DEK: variants seen among roughly 807,000 people sequenced by gnomAD.
DEK encodes the protein protein DEK.
Under a neutral mutation model 46.8 loss-of-function variants are expected in DEK, and 28 were observed. That is an observed-to-expected ratio of 0.60 (90% CI 0.44 to 0.82). The LOEUF (loss-of-function observed/expected upper bound fraction) is 0.82, where lower values mean the gene tolerates loss of function less well. DEK is among the 40% of genes least tolerant of loss of function. The pLI, the probability that DEK is intolerant of heterozygous loss-of-function variation, is 0.00. For missense variants in DEK, 416 were observed against 430.6 expected, an observed-to-expected ratio of 0.97 and a Z score of 0.30; for synonymous variants, 160 against 144.5, an observed-to-expected ratio of 1.11 and a Z score of -0.77.
chr6:18,258,244 T>C (rs1419654467), intron 3 of DEK, 60 bp downstream of exon 3: 2 of 1,429,600 alleles, frequency 1.4e-6, no homozygotes, highest in Admixed American at 1.9e-5. Flanking sequence ...CTACAAACCA[T>C]CATTTTCACA....
chr6:18,240,231 T>A (rs1790843322), intron 7 of DEK, among the ~76,000 whole-genome samples: 1 of 152,204 alleles, frequency 6.6e-6, no homozygotes, highest in African/African-American at 2.4e-5. Context: ...TACTTCTGTA[T>A]AACAAAACCA....
rs141343681 is a variant in DEK at position 18,237,726 on chromosome 6, A to T, written c.763-210T>A. On this transcript the variant is annotated intron_variant, in intron 7 of 10. Coordinates refer to ENST00000652689, the MANE Select transcript of DEK (RefSeq NM_003472.4). ...CATGACAAATCACAATCACACACAC[A>T]CAAGAGTTGCCCATATTTATTCAAC... is the stretch of plus-strand genomic sequence containing the variant. Among the ~76,000 whole-genome samples, 745 of 152,222 alleles carry T rather than the reference A, an allele frequency of 4.9e-3. 5 individuals carry two copies. The highest frequency in any genetic ancestry group is 0.017 in the African/African-American group (713 of 41,548).
chr6:18,255,590 C>G (rs1791563475), intron 6 of DEK, 141 bp downstream of exon 6: 3 of 981,126 alleles, frequency 3.1e-6, no homozygotes, highest in Non-Finnish European at 4.3e-6. Flanking sequence ...GAAATTACTG[C>G]AGATACGTCA....
chr6:18,225,889 G>A, intron 10 of DEK, 159 bp from the exon 11 acceptor site: 1 of 871,628 alleles, frequency 1.1e-6, no homozygotes, highest in Non-Finnish European at 1.7e-6. Context: ...TCGTAGACAG[G>A]AACTTCCTCA....
At chr6:18,234,517 G>C (rs1160656741) in intron 9 of DEK, among the ~76,000 whole-genome samples, 1 of 151,914 alleles carries the variant, frequency 6.6e-6, no homozygotes, top group African/African-American at 2.4e-5. Context: ...ATCTTCAAAG[G>C]CTCCTCCCCC....
rs61626818 is a variant in DEK at position 18,252,509 on chromosome 6, CAAAAAAAAAAAAA to C, written c.574-2683_574-2671del. Among the ~76,000 whole-genome samples the C allele has an allele frequency of 1.0e-4, 3 of 29,144 alleles. 1 individual carries two copies. The highest frequency in any genetic ancestry group is 5.8e-4 in the Admixed American group (1 of 1,720). 19.1% of individuals were successfully genotyped at this position (29,144 alleles called of 152,430 possible). On this transcript the variant is annotated intron_variant, in intron 6 of 10. Transcript: ENST00000652689. ...AGGCAACAGAGTAAAACGCTGTCTCCAAAAAAAAAAAAAAAAAAAAAAAAAAGAAAATAGCCTG... is the reference window on the plus strand; with the variant it reads ...AGGCAACAGAGTAAAACGCTGTCTCCAAAAAAAAAAAAAGAAAATAGCCTG...
intron 9 of DEK, among the ~76,000 whole-genome samples, chr6:18,231,599 T>A (rs1335947842): frequency 6.6e-6 from 1 of 152,046 alleles, no homozygotes; most frequent in African/African-American, 2.4e-5. Context: ...TCTACGCAAA[T>A]AAACTAGAAA....
At chr6:18,258,476 T>C (rs1378482689) in intron 2 of DEK, 71 bp from the exon 3 acceptor site, 7 of 1,194,498 alleles carry the variant, frequency 5.9e-6, no homozygotes, top group Non-Finnish European at 7.2e-6. Context: ...TAGATACACA[T>C]GTAGAACAAA....
At chr6:18,233,156 A>T (rs1171544219) in intron 9 of DEK, among the ~76,000 whole-genome samples, 1 of 152,238 alleles carries the variant, frequency 6.6e-6, no homozygotes, top group East Asian at 1.9e-4. Context: ...ATATGTAGAA[A>T]GCTGAAACTG....
At chr6:18,238,345 T>C (rs774328531) in intron 7 of DEK, among the ~76,000 whole-genome samples, 3 of 152,186 alleles carry the variant, frequency 2.0e-5, no homozygotes, top group Non-Finnish European at 4.4e-5. Context: ...CCAGAACTTG[T>C]GTTCTTAAAC....
intron 4 of DEK, 67 bp from the exon 5 acceptor site, chr6:18,256,522 C>A: frequency 2.2e-6 from 3 of 1,360,576 alleles, no homozygotes; most frequent in Non-Finnish European, 3.1e-6. Flanking sequence ...AAATTCAAAG[C>A]CAATTCAAAG....
intron 7 of DEK, among the ~76,000 whole-genome samples, chr6:18,243,837 C>T (rs1369314642): frequency 6.6e-6 from 1 of 152,110 alleles, no homozygotes; most frequent in Admixed American, 6.5e-5. Flanking sequence ...AAGAACCTCT[C>T]TCTACAAAAA....
chr6:18,257,955 T>G lies in DEK; in HGVS notation c.355A>C (p.Thr119Pro). Residue 119 changes from threonine (T) to proline (P), a missense_variant and splice_region_variant, in exon 4 of 11, where the codon ACT (threonine) becomes CCT (proline). By Grantham distance (38) the Thr-to-Pro change is conservative. Coordinates refer to ENST00000652689, the MANE Select transcript of DEK (RefSeq NM_003472.4). ...LHKLLYNRPG[T>P]VSSLKKNVGQ... ...TTTAAAGTGTAAAAAGGTCTTACAG[T>G]GCCTGGCCTGTTGTAAAGCAGTTTG... 1 of 1,599,566 alleles carries G rather than the reference T, an allele frequency of 6.3e-7. No homozygotes were observed. Among genetic ancestry groups the G allele is most frequent in the Non-Finnish European group, 8.5e-7 (1 of 1,175,080 alleles).
intron 9 of DEK, 87 bp downstream of exon 9, chr6:18,236,365 G>A (rs1790646082): frequency 2.9e-6 from 4 of 1,388,918 alleles, no homozygotes; most frequent in Non-Finnish European, 3.9e-6. Context: ...ATAAGTGAAT[G>A]CACGTAAGTA....
chr6:18,243,339 C>A (rs1026759111), intron 7 of DEK, among the ~76,000 whole-genome samples: 2 of 151,468 alleles, frequency 1.3e-5, no homozygotes, highest in African/African-American at 4.9e-5. Flanking sequence ...TTTTTTCTCC[C>A]ACTTAGTAAA....
At chr6:18,247,813 T>C (rs1791190690) in intron 7 of DEK, among the ~76,000 whole-genome samples, 1 of 151,922 alleles carries the variant, frequency 6.6e-6, no homozygotes, top group Non-Finnish European at 1.5e-5. Context: ...GCTGGGATTA[T>C]CGGCATGCAC....
At position 18,263,905 on chromosome 6, in the gene DEK, G is replaced by A. The variant is rs777980449; in HGVS notation, c.83C>T (p.Pro28Leu). 2.5e-6 allele frequency: 4 copies of A among 1,612,042 alleles called. No individual in the cohort carries two copies. The highest frequency in any genetic ancestry group is 1.7e-4 in the Middle Eastern group (1 of 6,058). The change falls in exon 2 of 11, where the codon CCC (proline) becomes CTC (leucine). Residue 28 changes from proline to leucine, a missense_variant. Pro to Leu is a moderately conservative substitution (Grantham distance 98). Coordinates refer to ENST00000652689, the MANE Select transcript of DEK (RefSeq NM_003472.4). ...CTCTTCCTCCTCGCTCTCCTCTCTG[G>A]GACCGGGCATTTCGGGTTCTTTCTC... ...ASEKEPEMPG[P>L]REESEEEEDE...
intron 2 of DEK, among the ~76,000 whole-genome samples, chr6:18,259,258 G>A (rs1791736109): frequency 6.6e-6 from 1 of 151,456 alleles, no homozygotes; most frequent in African/African-American, 2.4e-5. Flanking sequence ...AGCCAGGTGT[G>A]GTGGCTGGTG....
rs1246661909 is a variant in DEK, at chr6:18,264,519, A to G, written c.-144T>C. On this transcript the variant is annotated 5_prime_UTR_variant, in exon 1 of 11. Coordinates refer to ENST00000652689, the MANE Select transcript of DEK (RefSeq NM_003472.4). ...GCTCGCGCCGCGCGCTCGGCTCCCCAGAATCAACAAGATTTTCAAAATGGC... is the reference window on the plus strand; with the variant it reads ...GCTCGCGCCGCGCGCTCGGCTCCCCGGAATCAACAAGATTTTCAAAATGGC... The G allele has an allele frequency of 1.8e-5, 4 of 226,758 alleles. No homozygotes were observed. Among genetic ancestry groups the G allele is most frequent in the Middle Eastern group, 5.4e-4 (1 of 1,858 alleles). The allele number at this position is 226,758 out of a possible 1,614,324, so 14.0% of individuals were successfully genotyped here. A position where few individuals can be genotyped will look rare whatever the true frequency, so the allele number is the denominator to read the frequency against.
Sources: gnomAD v4.1 joint callset for allele counts (sites outside exome capture counted in the v4.1 genomes callset) on GRCh38, gnomAD v4.1.1 for gene constraint, MANE v1.5 for transcripts, NCBI Gene and HGNC (gene_info 2026-07-23, HGNC 2026-07-21) for gene names.